CDX1: variants seen among roughly 807,000 people sequenced by gnomAD.
CDX1 encodes the protein caudal type homeobox 1.
CDX1 carries 9 observed loss-of-function variants against 16.9 expected under a neutral mutation model. The ratio of observed to expected loss-of-function variants is 0.53; its 90% CI spans 0.32 to 0.93. The LOEUF (loss-of-function observed/expected upper bound fraction) is 0.93. Among genes scored for constraint, CDX1 ranks in the 40% least tolerant of loss-of-function variants. CDX1 has a pLI of 0.04. For missense variants in CDX1, 393 were observed against 386.1 expected (o/e 1.02, Z -0.15); for synonymous variants, 179 against 179.0 (o/e 1.00, Z 0.00).
rs1258675150 is a variant in CDX1 at position 150,184,186 on chromosome 5, T to A, written c.*506T>A. On this transcript the variant is annotated 3_prime_UTR_variant, in exon 3 of 3. Coordinates refer to ENST00000231656, the MANE Select transcript of CDX1 (RefSeq NM_001804.3). ...CCCCCATCATAAGGGCACTGAGCCC[T>A]TCCCAGGCTGGATACTAAGCACAAA... The A allele has an allele frequency of 3.3e-5, 5 of 152,534 alleles. No homozygotes were observed. Among genetic ancestry groups the A allele is most frequent in the African/African-American group, 1.2e-4 (5 of 41,474 alleles). The allele number at this position is 152,534 out of a possible 1,614,324, so 9.4% of individuals were successfully genotyped here.
chr5:150,177,463 G>T (rs1265119483), intron 1 of CDX1, among the ~76,000 whole-genome samples: 1 of 152,178 alleles, frequency 6.6e-6, no homozygotes, highest in Non-Finnish European at 1.5e-5. Flanking sequence ...TCTCAAGTGA[G>T]CCCCTGTATG....
At position 150,166,997 on chromosome 5, in the gene CDX1, C is replaced by G; in HGVS notation, c.121C>G (p.Gln41Glu). Residue 41 changes from glutamine (Q) to glutamate (E), a missense_variant, in exon 1 of 3, where the codon CAG becomes GAG. Physicochemically the swap from Gln to Glu is conservative, Grantham distance 29. Coordinates refer to ENST00000231656, the MANE Select transcript of CDX1 (RefSeq NM_001804.3). ...CCCGGCCCCGCCCCCGGCGCCCCCG[C>G]AGTACCCCGACTTCTCCAGCTACTC... ...GPPAPPPAPP[Q>E]YPDFSSYSHV... 1 of 1,443,882 alleles carries G rather than the reference C, an allele frequency of 6.9e-7. No individual in the cohort carries two copies. The highest frequency in any genetic ancestry group is 9.1e-7 in the Non-Finnish European group (1 of 1,103,648). 89.4% of individuals were successfully genotyped at this position (1,443,882 alleles called of 1,614,324 possible). A position where few individuals can be genotyped will look rare whatever the true frequency, so the allele number is the denominator to read the frequency against.
intron 1 of CDX1, among the ~76,000 whole-genome samples, chr5:150,181,814 G>A (rs1388951883): frequency 2.0e-5 from 3 of 152,166 alleles, no homozygotes; most frequent in Non-Finnish European, 4.4e-5. Flanking sequence ...CGAGGGCAGG[G>A]GTTTTATTTT....
intron 1 of CDX1, among the ~76,000 whole-genome samples, chr5:150,177,477 C>T (rs1263488908): frequency 6.6e-6 from 1 of 152,192 alleles, no homozygotes; most frequent in Non-Finnish European, 1.5e-5. Flanking sequence ...CTGTATGCCG[C>T]AGGGTTGGAG....
rs939065697 is a variant in CDX1 at position 150,183,886 on chromosome 5, C to T, written c.*206C>T. 3.1e-5 allele frequency: 13 copies of T among 417,698 alleles called. No individual in the cohort carries two copies. The highest frequency in any genetic ancestry group is 4.3e-5 in the Non-Finnish European group (10 of 235,042). 25.9% of individuals were successfully genotyped at this position (417,698 alleles called of 1,614,324 possible). On this transcript the variant is annotated 3_prime_UTR_variant, in exon 3 of 3. Coordinates refer to ENST00000231656, the MANE Select transcript of CDX1 (RefSeq NM_001804.3). Reference sequence around the variant, plus strand: ...ACCTTCCAGCTCCTGTGTTCTAGACCTCTGGGGGATAAGGGAGTCCAGGGT... The same window carrying T: ...ACCTTCCAGCTCCTGTGTTCTAGACTTCTGGGGGATAAGGGAGTCCAGGGT...
chr5:150,182,611 G>C (rs1326941776), intron 1 of CDX1, among the ~76,000 whole-genome samples, 157 bp from the exon 2 acceptor site: 2 of 152,204 alleles, frequency 1.3e-5, no homozygotes, highest in East Asian at 3.9e-4. Context: ...TCTGGGAAAT[G>C]ACTGTTTCCC....
intron 1 of CDX1, among the ~76,000 whole-genome samples, chr5:150,181,810 C>A (rs945401459): frequency 6.6e-6 from 1 of 152,162 alleles, no homozygotes; most frequent in African/African-American, 2.4e-5. Flanking sequence ...ATCACGAGGG[C>A]AGGGGTTTTA....
rs1417316477 is a variant in CDX1 at position 150,184,552 on chromosome 5, CA to C, written c.*875del. 1.3e-5 allele frequency: 2 copies of C among 152,266 alleles called. No individual in the cohort carries two copies. The highest frequency in any genetic ancestry group is 4.8e-5 in the African/African-American group (2 of 41,560). 9.4% of individuals were successfully genotyped at this position (152,266 alleles called of 1,614,324 possible). ...ATTAAAGAAACATTTTTGAGAAGTACAAATCATCCTCACCTTCCCCAGCAAT... is the reference window on the plus strand; with the variant it reads ...ATTAAAGAAACATTTTTGAGAAGTACAATCATCCTCACCTTCCCCAGCAAT... On this transcript the variant is annotated 3_prime_UTR_variant, in exon 3 of 3. Coordinates refer to ENST00000231656, the MANE Select transcript of CDX1 (RefSeq NM_001804.3).
intron 1 of CDX1, 27 bp downstream of exon 1, chr5:150,167,348 C>G (rs1359511781): frequency 8.1e-7 from 1 of 1,236,622 alleles, no homozygotes; most frequent in Non-Finnish European, 1.0e-6. Flanking sequence ...CGCCCTGCGC[C>G]TCTGGACCTG....
At position 150,184,271 on chromosome 5, in the gene CDX1, A is replaced by G. The variant is rs932526418; in HGVS notation, c.*591A>G. 1.3e-5 allele frequency: 2 copies of G among 152,160 alleles called. No individual in the cohort carries two copies. The highest frequency in any genetic ancestry group is 4.8e-5 in the African/African-American group (2 of 41,412). The allele number at this position is 152,160 out of a possible 1,614,324, so 9.4% of individuals were successfully genotyped here. On this transcript the variant is annotated 3_prime_UTR_variant, in exon 3 of 3. Transcript: ENST00000231656. ...GGGTTACAGAATCACAGCCCTCATGATCATTCTCAGTGAGGGCTCTGGATT... is the reference window on the plus strand; with the variant it reads ...GGGTTACAGAATCACAGCCCTCATGGTCATTCTCAGTGAGGGCTCTGGATT...
intron 1 of CDX1, among the ~76,000 whole-genome samples, chr5:150,179,400 T>C (rs1489772699): frequency 6.6e-6 from 1 of 152,194 alleles, no homozygotes; most frequent in African/African-American, 2.4e-5. Context: ...ATTGTGCAGC[T>C]AAACCCTATC....
chr5:150,183,511 G>A lies in CDX1; in HGVS notation c.629G>A (p.Arg210His), dbSNP rs767414506. Reference sequence around the variant, plus strand: ...TTCCAAAACCGGCGGGCAAAGGAGCGCAAAGTGAACAAGAAGAAACAGCAG... The same window carrying A: ...TTCCAAAACCGGCGGGCAAAGGAGCACAAAGTGAACAAGAAGAAACAGCAG... The part of the protein sequence containing the change: ...IWFQNRRAKE[R>H]KVNKKKQQQQ... Residue 210 changes from arginine to histidine, a missense_variant, in exon 3 of 3, where the codon CGC becomes CAC. Arg to His is a conservative substitution (Grantham distance 29, BLOSUM62 0). Coordinates refer to ENST00000231656, the MANE Select transcript of CDX1 (RefSeq NM_001804.3). 1.1e-5 allele frequency: 18 copies of A among 1,610,930 alleles called. No homozygotes were observed. Among genetic ancestry groups the A allele is most frequent in the East Asian group, 6.7e-5 (3 of 44,850 alleles).
rs770561349 is a variant in CDX1 at position 150,182,795 on chromosome 5, G to A, written c.473G>A (p.Arg158His). 2.5e-5 allele frequency: 40 copies of A among 1,603,690 alleles called. No homozygotes were observed. The highest frequency in any genetic ancestry group is 2.7e-5 in the Non-Finnish European group (32 of 1,175,540). Residue 158 changes from arginine to histidine, a missense_variant, in exon 2 of 3, where the codon CGC (arginine) becomes CAC (histidine). Coordinates refer to ENST00000231656, the MANE Select transcript of CDX1 (RefSeq NM_001804.3). ...AAGACTCGGACCAAGGACAAGTACC[G>A]CGTGGTCTACACCGACCACCAACGC... ...SGKTRTKDKY[R>H]VVYTDHQRLE...
chr5:150,169,074 C>T (rs1254189781), intron 1 of CDX1, among the ~76,000 whole-genome samples: 1 of 152,122 alleles, frequency 6.6e-6, no homozygotes, highest in African/African-American at 2.4e-5. Context: ...TCCTGTGTTC[C>T]ACTTTCTGCT....
intron 1 of CDX1, among the ~76,000 whole-genome samples, chr5:150,168,198 C>T (rs2113947078): frequency 1.3e-5 from 2 of 152,386 alleles, no homozygotes; most frequent in South Asian, 4.1e-4. Flanking sequence ...ACAAAGGCCA[C>T]CTAGCCTTGG....
At chr5:150,167,386 C>T in intron 1 of CDX1, 65 bp downstream of exon 1, 1 of 1,131,170 alleles carries the variant, frequency 8.8e-7, no homozygotes, top group African/African-American at 1.6e-5. Context: ...CCCAGGCCGC[C>T]CCCTGTCTGA....
intron 1 of CDX1, among the ~76,000 whole-genome samples, chr5:150,176,577 A>AG (rs958148862): frequency 3.3e-5 from 5 of 152,058 alleles, no homozygotes; most frequent in Non-Finnish European, 5.9e-5. Flanking sequence ...GCAAGGTGGC[A>AG]GGGGGGGCCA....
At chr5:150,180,635 C>T (rs1761629084) in intron 1 of CDX1, among the ~76,000 whole-genome samples, 1 of 151,706 alleles carries the variant, frequency 6.6e-6, no homozygotes, top group Non-Finnish European at 1.5e-5. Flanking sequence ...TTGCGAGAGG[C>T]GGGAGGGGTT....
At chr5:150,172,390 A>G (rs1761519074) in intron 1 of CDX1, among the ~76,000 whole-genome samples, 1 of 151,940 alleles carries the variant, frequency 6.6e-6, no homozygotes, top group African/African-American at 2.4e-5. Flanking sequence ...GATCTCACTT[A>G]AGTCTCATGA....
Sources: gnomAD v4.1 joint callset for allele counts (sites outside exome capture counted in the v4.1 genomes callset) on GRCh38, gnomAD v4.1.1 for gene constraint, MANE v1.5 for transcripts, NCBI Gene and HGNC (gene_info 2026-07-23, HGNC 2026-07-21) for gene names.